The following ZCCHC24 variants were observed in gnomAD, a reference collection of about 807,000 sequenced individuals.
ZCCHC24 encodes the protein zinc finger CCHC-type containing 24.
Under a neutral mutation model 26.2 loss-of-function variants are expected in ZCCHC24, and 10 were observed. That is an observed-to-expected ratio of 0.38 (90% CI 0.24 to 0.65). The LOEUF (loss-of-function observed/expected upper bound fraction) is 0.65, where lower values mean the gene tolerates loss of function less well. ZCCHC24 is among the 30% of genes least tolerant of loss of function. ZCCHC24 has a pLI of 0.54. For synonymous variants in ZCCHC24, 144 were observed against 147.1 expected (o/e 0.98, Z 0.15); for missense variants, 243 against 329.1 (o/e 0.74, Z 2.03).
At chr10:79,386,903 C>T (rs959703048) in intron 3 of ZCCHC24, among the ~76,000 whole-genome samples, 6 of 152,266 alleles carry the variant, frequency 3.9e-5, no homozygotes, top group African/African-American at 1.4e-4. Flanking sequence ...ACGGGTGCAG[C>T]CTGTCAGATG....
chr10:79,432,747 G>A lies in ZCCHC24; in HGVS notation c.258C>T (p.Asn86=), dbSNP rs765148287. 6.2e-7 allele frequency: 1 copy of A among 1,608,102 alleles called. No homozygotes were observed. The highest frequency in any genetic ancestry group is 1.7e-5 in the Admixed American group (1 of 58,392). The part of the protein sequence containing the change: ...FQLQRGEALS[N]SVYKGASPYG... The stretch of plus-strand genomic sequence containing the variant: ...AGGGTGAGGCGCCCTTGTACACACT[G>A]TTGCTCAGCGCCTGTGGGAGACAGA... The change falls in exon 2 of 4, where the codon AAC becomes AAT. Residue 86 remains asparagine, a synonymous_variant. Coordinates refer to ENST00000372336, the MANE Select transcript of ZCCHC24 (RefSeq NM_153367.4).
rs1456293271 is a variant in ZCCHC24 at position 79,427,581 on chromosome 10, A to G, written c.447+4977T>C. Among the ~76,000 whole-genome samples, 5 of 151,714 alleles carry G rather than the reference A, an allele frequency of 3.3e-5. No homozygotes were observed. The Admixed American group carries it at 3.3e-4, about 10-fold the overall frequency. On this transcript the variant is annotated intron_variant, in intron 2 of 3. Coordinates refer to ENST00000372336, the MANE Select transcript of ZCCHC24 (RefSeq NM_153367.4). ...TGGATATTAAACAACACACTCCTAA[A>G]TAACCAGTGAGTCAAAGAGGAAATC...
chr10:79,441,793 T>C lies in ZCCHC24; in HGVS notation c.246+3402A>G, dbSNP rs541915525. ...TAGGGCCACACCTTCCAGCTACGTCTGTCCCTGGAGAAAGAGGGAAAGAGA... is the reference window on the plus strand; with the variant it reads ...TAGGGCCACACCTTCCAGCTACGTCCGTCCCTGGAGAAAGAGGGAAAGAGA... On this transcript the variant is annotated intron_variant, in intron 1 of 3. Transcript: ENST00000372336. 6.6e-5 allele frequency among the ~76,000 whole-genome samples: 10 copies of C among 152,304 alleles called. No homozygotes were observed. In the East Asian group the frequency reaches 1.9e-3, roughly 29 times the overall value.
intron 2 of ZCCHC24, among the ~76,000 whole-genome samples, chr10:79,413,831 G>C (rs954192470): frequency 2.0e-5 from 3 of 152,014 alleles, no homozygotes; most frequent in Non-Finnish European, 4.4e-5. Flanking sequence ...GGATGTGATA[G>C]CCTCTAATGT....
intron 2 of ZCCHC24, among the ~76,000 whole-genome samples, chr10:79,409,657 G>A (rs929612144): frequency 1.8e-4 from 28 of 152,324 alleles, no homozygotes; most frequent in Admixed American, 1.5e-3. Context: ...GGCAGGCAGC[G>A]GCCTGGCAAC....
At chr10:79,421,793 A>AT (rs1176192390) in intron 2 of ZCCHC24, among the ~76,000 whole-genome samples, 1 of 151,868 alleles carries the variant, frequency 6.6e-6, no homozygotes, top group East Asian at 1.9e-4. Flanking sequence ...CACCTGGCTA[A>AT]TTTTTTTGTA....
chr10:79,441,544 C>G (rs1297162753), intron 1 of ZCCHC24, among the ~76,000 whole-genome samples: 1 of 152,060 alleles, frequency 6.6e-6, no homozygotes, highest in Non-Finnish European at 1.5e-5. Context: ...AGGAAGGACA[C>G]TGACAGGTGT....
rs139311600 is a variant in ZCCHC24 at position 79,429,249 on chromosome 10, T to C, written c.447+3309A>G. Among the ~76,000 whole-genome samples the C allele has an allele frequency of 2.1e-3, 316 of 152,170 alleles. 1 individual carries two copies. Among genetic ancestry groups the C allele is most frequent in the African/African-American group, 7.3e-3 (302 of 41,514 alleles). ...ATAGACAGATCTACAGAGAGAGAAATAGATGAGTGGTTATGGATGCGAGGG... is the reference window on the plus strand; with the variant it reads ...ATAGACAGATCTACAGAGAGAGAAACAGATGAGTGGTTATGGATGCGAGGG... On this transcript the variant is annotated intron_variant, in intron 2 of 3. Transcript: ENST00000372336.
At chr10:79,425,135 C>A (rs1172495510) in intron 2 of ZCCHC24, among the ~76,000 whole-genome samples, 1 of 152,230 alleles carries the variant, frequency 6.6e-6, no homozygotes, top group Non-Finnish European at 1.5e-5. Flanking sequence ...CCACCACAGA[C>A]CCCTACAGGC....
At chr10:79,388,387 C>T (rs1430683015) in intron 3 of ZCCHC24, among the ~76,000 whole-genome samples, 1 of 152,232 alleles carries the variant, frequency 6.6e-6, no homozygotes, top group East Asian at 1.9e-4. Flanking sequence ...GCTCCTCCAT[C>T]TGGGGCTTGG....
At chr10:79,429,425 C>G (rs1217439666) in intron 2 of ZCCHC24, among the ~76,000 whole-genome samples, 2 of 151,998 alleles carry the variant, frequency 1.3e-5, no homozygotes, top group African/African-American at 4.8e-5. Flanking sequence ...GTATTAAAAA[C>G]AGAAAAATTA....
intron 2 of ZCCHC24, among the ~76,000 whole-genome samples, chr10:79,408,774 A>C (rs1231574145): frequency 6.6e-6 from 1 of 152,106 alleles, no homozygotes; most frequent in Non-Finnish European, 1.5e-5. Context: ...TCACAGCCTA[A>C]ACTGCAAAAG....
chr10:79,407,763 G>A (rs1470896402), intron 2 of ZCCHC24, among the ~76,000 whole-genome samples: 1 of 152,262 alleles, frequency 6.6e-6, no homozygotes, highest in Non-Finnish European at 1.5e-5. Context: ...AGAGCTGGGA[G>A]TGGAGCGCAG....
At chr10:79,417,136 G>A (rs934566975) in intron 2 of ZCCHC24, among the ~76,000 whole-genome samples, 1 of 152,246 alleles carries the variant, frequency 6.6e-6, no homozygotes, top group Non-Finnish European at 1.5e-5. Context: ...TAAGCCGTTT[G>A]TGCAGGGTGT....
At chr10:79,414,466 T>C (rs538500740) in intron 2 of ZCCHC24, among the ~76,000 whole-genome samples, 12 of 152,288 alleles carry the variant, frequency 7.9e-5, no homozygotes, top group Admixed American at 4.6e-4. Context: ...GAATCCTCCA[T>C]TGTGGGAAGC....
chr10:79,396,852 T>C (rs1219021500), intron 2 of ZCCHC24, among the ~76,000 whole-genome samples: 2 of 152,204 alleles, frequency 1.3e-5, no homozygotes, highest in African/African-American at 4.8e-5. Flanking sequence ...CTTGGGCAAG[T>C]TACTTCACAA....
chr10:79,386,750 C>T (rs932211560), intron 3 of ZCCHC24, among the ~76,000 whole-genome samples: 4 of 152,192 alleles, frequency 2.6e-5, no homozygotes, highest in African/African-American at 9.6e-5. Context: ...CTAGGGCACA[C>T]AGGTGGGGCC....
chr10:79,392,086 G>T (rs971865733), intron 3 of ZCCHC24, among the ~76,000 whole-genome samples: 1 of 151,660 alleles, frequency 6.6e-6, no homozygotes, highest in Non-Finnish European at 1.5e-5. Flanking sequence ...CTTCCCTGCC[G>T]ATGCCCCACG....
At chr10:79,401,337 G>T (rs764360535) in intron 2 of ZCCHC24, among the ~76,000 whole-genome samples, 1 of 152,216 alleles carries the variant, frequency 6.6e-6, no homozygotes, top group African/African-American at 2.4e-5. Context: ...GGTATTTTTG[G>T]TCAGGGCCAG....
Sources: gnomAD v4.1 joint callset for allele counts (sites outside exome capture counted in the v4.1 genomes callset) on GRCh38, gnomAD v4.1.1 for gene constraint, MANE v1.5 for transcripts, NCBI Gene and HGNC (gene_info 2026-07-23, HGNC 2026-07-21) for gene names.